Variants in LIG1 observed in about 807,000 individuals in gnomAD.
LIG1 encodes ligase I, DNA, ATP-dependent.
A neutral mutation model predicts 115.7 loss-of-function variants in LIG1; 70 were observed. The observed-to-expected ratio is 0.60, with a 90% CI of 0.50 to 0.74. LIG1 has a LOEUF of 0.74. LIG1 is among the 30% of genes least tolerant of loss of function. The probability of loss-of-function intolerance (pLI) is 0.00; values close to 1 mark genes in which losing one functional copy is unlikely to be tolerated. For missense variants in LIG1, 1,115 were observed against 1,225.6 expected (o/e 0.91, Z 1.35); for synonymous variants, 487 against 495.3 (o/e 0.98, Z 0.22).
intron 20 of LIG1, 95 bp downstream of exon 20, chr19:48,127,815 T>C (rs2033769193): frequency 9.9e-7 from 1 of 1,008,164 alleles, no homozygotes; most frequent in Non-Finnish European, 1.6e-6. Context: ...ACTGACACTC[T>C]GCCCTTCTGG....
chr19:48,140,885 A>C (rs2034698755), intron 11 of LIG1, among the ~76,000 whole-genome samples: 1 of 152,046 alleles, frequency 6.6e-6, no homozygotes, highest in Non-Finnish European at 1.5e-5. Context: ...GCTCAGGGAG[A>C]CTGATTTGAG....
At chr19:48,165,825 A>T (rs1046083657) in intron 1 of LIG1, 14 of 607,638 alleles carry the variant, frequency 2.3e-5, no homozygotes, top group Non-Finnish European at 3.5e-5. Context: ...AAATCAGAGA[A>T]AAAGATAAGA....
chr19:48,156,160 C>T (rs1051737222), intron 5 of LIG1, among the ~76,000 whole-genome samples: 1 of 152,190 alleles, frequency 6.6e-6, no homozygotes, highest in Non-Finnish European at 1.5e-5. Context: ...GCGCTCTACA[C>T]GCCAGCACAC....
chr19:48,128,485 G>C (rs1189362271), intron 19 of LIG1, among the ~76,000 whole-genome samples: 1 of 152,172 alleles, frequency 6.6e-6, no homozygotes, highest in African/African-American at 2.4e-5. Context: ...AAGCTGGGGG[G>C]ACTCTCCCGG....
At position 48,170,282 on chromosome 19, in the gene LIG1, A is replaced by G; in HGVS notation, c.-99T>C. 2.2e-6 allele frequency: 1 copy of G among 454,606 alleles called. No individual in the cohort carries two copies. Among genetic ancestry groups the G allele is most frequent in the Non-Finnish European group, 4.4e-6 (1 of 226,048 alleles). The allele number at this position is 454,606 out of a possible 1,614,324, so 28.2% of individuals were successfully genotyped here. On this transcript the variant is annotated 5_prime_UTR_variant, in exon 1 of 28. Transcript: ENST00000263274. ...GCGCCGCTGCCCGGGCAACACACTC[A>G]GATCCGCCAGGCGCGCCTCTGCAGT...
At position 48,136,046 on chromosome 19, in the gene LIG1, G is replaced by T. The variant is rs2122609961; in HGVS notation, c.1411C>A (p.Pro471Thr). 1.5e-5 allele frequency: 24 copies of T among 1,565,922 alleles called. No homozygotes were observed. The highest frequency in any genetic ancestry group is 2.0e-5 in the Non-Finnish European group (23 of 1,155,936). ...CACAGGAGCTCACCTTGGCCCGGGG[G>T]CGTGAGGCTCACTGCCTGGGAGAGG... ...AALSQAVSLTPPGQEFPPAMV... is the reference protein window; with the variant it reads ...AALSQAVSLTTPGQEFPPAMV... Residue 471 changes from proline to threonine, a missense_variant, in exon 15 of 28, where the codon CCC becomes ACC. Physicochemically the swap from Pro to Thr is conservative, Grantham distance 38. Coordinates refer to ENST00000263274, the MANE Select transcript of LIG1 (RefSeq NM_000234.3).
At position 48,122,073 on chromosome 19, in the gene LIG1, C is replaced by T. The variant is rs914480760; in HGVS notation, c.2233-751G>A. ...GTGCTGGAGGGAAACCAGCCACAGACAGACATAAGTACACAGGAAGAGCTA... is the reference window on the plus strand; with the variant it reads ...GTGCTGGAGGGAAACCAGCCACAGATAGACATAAGTACACAGGAAGAGCTA... On this transcript the variant is annotated intron_variant, in intron 23 of 27. Coordinates refer to ENST00000263274, the MANE Select transcript of LIG1 (RefSeq NM_000234.3). This position sits in a 1 kb window ranked among gnomAD's most constrained non-coding sequence, Gnocchi z 4.3. 1 of 152,632 alleles carries T rather than the reference C, an allele frequency of 6.6e-6. No homozygotes were observed. The highest frequency in any genetic ancestry group is 2.4e-5 in the African/African-American group (1 of 41,462). 9.5% of individuals were successfully genotyped at this position (152,632 alleles called of 1,614,324 possible). A position where few individuals can be genotyped will look rare whatever the true frequency, so the allele number is the denominator to read the frequency against.
Position 48,127,958 on chromosome 19 carries a change from T to C in LIG1, c.1884A>G (p.Glu628=), listed in dbSNP as rs1156694582. ...CTTGGAATGGCTGGATCTGCTTCTT[T>C]TCCCGGTCCCAAGCCACGGCTTCGG... ...LDTEAVAWDR[E]KKQIQPFQVL... is the part of the protein sequence containing the mutation. The change falls in exon 20 of 28, where the codon GAA becomes GAG. Residue 628 remains glutamate, a synonymous_variant. Coordinates refer to ENST00000263274, the MANE Select transcript of LIG1 (RefSeq NM_000234.3). 3 of 1,614,214 alleles carry C rather than the reference T, an allele frequency of 1.9e-6. No individual in the cohort carries two copies. The highest frequency in any genetic ancestry group is 2.5e-6 in the Non-Finnish European group (3 of 1,180,046).
At chr19:48,148,068 G>C (rs1379743740) in intron 9 of LIG1, among the ~76,000 whole-genome samples, 1 of 152,152 alleles carries the variant, frequency 6.6e-6, no homozygotes, top group Non-Finnish European at 1.5e-5. Context: ...CACATGAAGG[G>C]AGAGGCACCC....
intron 9 of LIG1, among the ~76,000 whole-genome samples, chr19:48,144,415 A>G (rs889948072): frequency 6.6e-5 from 10 of 152,184 alleles, no homozygotes; most frequent in African/African-American, 2.4e-4. Flanking sequence ...GCTGGGACAG[A>G]GGGAGGTGCG....
chr19:48,149,844 A>T lies in LIG1; in HGVS notation c.698-3T>A, dbSNP rs200738698. On this transcript the variant is annotated splice_region_variant and splice_polypyrimidine_tract_variant and intron_variant, in intron 8 of 27. Transcript: ENST00000263274. ...TTTGACTGCTGGCTTCCGGGGGGCT[A>T]GGAATGAAGACAGAAAACAGTGGGT... 2 of 1,613,628 alleles carry T rather than the reference A, an allele frequency of 1.2e-6. No individual in the cohort carries two copies. The highest frequency in any genetic ancestry group is 3.3e-5 in the Admixed American group (2 of 59,976).
intron 15 of LIG1, 112 bp from the exon 16 acceptor site, chr19:48,135,891 G>GCCGC: frequency 1.1e-6 from 1 of 928,760 alleles, no homozygotes. Flanking sequence ...GGCCCAAGAC[G>GCCGC]CCCCCTCCCC....
Position 48,137,702 on chromosome 19 carries a change from C to T in LIG1, c.1088-14G>A, listed in dbSNP as rs201128221. On this transcript the variant is annotated splice_polypyrimidine_tract_variant and intron_variant, in intron 12 of 27. Transcript: ENST00000263274. This position sits in a 1 kb window ranked among gnomAD's most constrained non-coding sequence, Gnocchi z 4.3. ...CCAGCTGCCGACCTTCAGGGGAGAGCGCGGGTGGGGGTGTCGAGGGTGACA... is the reference window on the plus strand; with the variant it reads ...CCAGCTGCCGACCTTCAGGGGAGAGTGCGGGTGGGGGTGTCGAGGGTGACA... 2.5e-6 allele frequency: 4 copies of T among 1,601,064 alleles called. No homozygotes were observed. Among genetic ancestry groups the T allele is most frequent in the East Asian group, 4.5e-5 (2 of 44,856 alleles).
At chr19:48,154,820 T>TC (rs1217414884) in intron 5 of LIG1, among the ~76,000 whole-genome samples, 1 of 152,138 alleles carries the variant, frequency 6.6e-6, no homozygotes, top group Non-Finnish European at 1.5e-5. Context: ...GCTGGCACTG[T>TC]CTCTCCCTGC....
At chr19:48,155,151 C>T (rs2035756182) in intron 5 of LIG1, among the ~76,000 whole-genome samples, 1 of 152,134 alleles carries the variant, frequency 6.6e-6, no homozygotes, top group African/African-American at 2.4e-5. Context: ...CTGTGACTTC[C>T]TTATGGCCAC....
At chr19:48,132,863 G>A (rs2034128718) in intron 18 of LIG1, 119 bp downstream of exon 18, 11 of 668,818 alleles carry the variant, frequency 1.6e-5, no homozygotes, top group South Asian at 6.9e-5. Flanking sequence ...CCAGAGAGAT[G>A]AGCGAGGGCT....
Position 48,115,610 on chromosome 19 carries a change from A to G in LIG1, c.*39T>C, listed in dbSNP as rs2032737261. 2 of 1,464,496 alleles carry G rather than the reference A, an allele frequency of 1.4e-6. No homozygotes were observed. The highest frequency in any genetic ancestry group is 1.1e-5 in the South Asian group (1 of 88,096). 90.7% of individuals were successfully genotyped at this position (1,464,496 alleles called of 1,614,324 possible). ...GCAATAATAACCCTGGGGTCCGTCC[A>G]ACTCATGCCCTGTACCCAGGCCCTA... On this transcript the variant is annotated 3_prime_UTR_variant, in exon 28 of 28. Transcript: ENST00000263274.
intron 4 of LIG1, among the ~76,000 whole-genome samples, chr19:48,160,922 A>C (rs1374086786): frequency 6.6e-6 from 1 of 151,938 alleles, no homozygotes; most frequent in Non-Finnish European, 1.5e-5. Context: ...TTTTTTGTAG[A>C]GATGGGGTCT....
intron 16 of LIG1, among the ~76,000 whole-genome samples, chr19:48,135,479 C>A (rs2122599061): frequency 6.6e-6 from 1 of 152,284 alleles, no homozygotes; most frequent in African/African-American, 2.4e-5. Flanking sequence ...TGTTTGCCAC[C>A]TTCCTGATCT....
Sources: gnomAD v4.1 joint callset for allele counts (sites outside exome capture counted in the v4.1 genomes callset) on GRCh38, gnomAD v4.1.1 for gene constraint, Gnocchi (gnomAD v3.1) non-coding constraint, MANE v1.5 for transcripts, NCBI Gene and HGNC (gene_info 2026-07-23, HGNC 2026-07-21) for gene names.